The following CEP83 variants were observed in gnomAD, a reference collection of about 807,000 sequenced individuals.
The protein encoded by CEP83 is centrosomal protein of 83 kDa.
CEP83 carries 70 observed loss-of-function variants against 101.9 expected under a neutral mutation model. The observed-to-expected ratio is 0.69, with a 90% CI of 0.57 to 0.84. CEP83 has a LOEUF of 0.84. CEP83 is among the 40% of genes least tolerant of loss of function. The pLI is 0.00. For missense variants in CEP83, 715 were observed against 787.2 expected, an observed-to-expected ratio of 0.91 and a Z score of 1.10; for synonymous variants, 264 against 267.9, an observed-to-expected ratio of 0.99 and a Z score of 0.14.
At position 94,412,347 on chromosome 12, in the gene CEP83, A is replaced by G; in HGVS notation, c.144T>C (p.Asn48=). Residue 48 remains asparagine, a synonymous_variant, in exon 3 of 17, where the codon AAT becomes AAC. Coordinates refer to ENST00000397809, the MANE Select transcript of CEP83 (RefSeq NM_016122.3). ...TGTGTTCAGCCTTCAGTGTCTGATAATTAGCTTTATGATGCTCACATCGTA... is the reference window on the plus strand; with the variant it reads ...TGTGTTCAGCCTTCAGTGTCTGATAGTTAGCTTTATGATGCTCACATCGTA... ...ERLRCEHHKA[N]YQTLKAEHTR... 6.2e-7 allele frequency: 1 copy of G among 1,610,710 alleles called. No individual in the cohort carries two copies. The highest frequency in any genetic ancestry group is 8.5e-7 in the Non-Finnish European group (1 of 1,178,826).
chr12:94,266,808 A>G, the CEP83 span, among the ~76,000 whole-genome samples: 3,311 of 152,352 alleles, frequency 0.022, 144 homozygotes, highest in African/African-American at 0.075. Flanking sequence ...GAACATTGCC[A>G]GGCATGTGAG....
intron 1 of CEP83, among the ~76,000 whole-genome samples, chr12:94,445,523 C>A (rs1366417927): frequency 6.6e-6 from 1 of 152,158 alleles, no homozygotes; most frequent in African/African-American, 2.4e-5. Context: ...CACTACTCTT[C>A]AAAATCCACT....
At chr12:94,307,434 G>C (rs1969163255), downstream of CEP83, 1 of 152,188 alleles carries the variant, frequency 6.6e-6, no homozygotes. Flanking sequence ...ACAGCAACCA[G>C]AGCAACAAAT....
rs184509943 is a variant in CEP83, at chr12:94,440,120, T to C, written c.-154-4793A>G. On this transcript the variant is annotated intron_variant, in intron 1 of 16. Transcript: ENST00000397809. ...AGTTTAAAGCATTCCCCCTGAGAACTAGAACAAGACAAGGATGTCCACTTT... is the reference window on the plus strand; with the variant it reads ...AGTTTAAAGCATTCCCCCTGAGAACCAGAACAAGACAAGGATGTCCACTTT... Among the ~76,000 whole-genome samples the C allele has an allele frequency of 1.4e-3, 208 of 152,214 alleles. 1 individual carries two copies. Among genetic ancestry groups the C allele is most frequent in the African/African-American group, 4.8e-3 (201 of 41,540 alleles).
At chr12:94,411,152 T>C (rs1289181586) in intron 4 of CEP83, among the ~76,000 whole-genome samples, 1 of 152,168 alleles carries the variant, frequency 6.6e-6, no homozygotes, top group Admixed American at 6.5e-5. Flanking sequence ...CTTTGCTCAA[T>C]TTTCCAGACA....
At chr12:94,307,123 G>A (rs1969118461), downstream of CEP83, 1 of 152,192 alleles carries the variant, frequency 6.6e-6, no homozygotes, top group Non-Finnish European at 1.5e-5. Flanking sequence ...TGCTACATGA[G>A]GGTGTCCCTG....
the CEP83 span, among the ~76,000 whole-genome samples, chr12:94,286,616 CAAAAAAAAAAA>C: frequency 1.2e-4 from 12 of 101,404 alleles, no homozygotes; most frequent in South Asian, 3.7e-4. Context: ...TGCTTAAAAG[CAAAAAAAAAAA>C]AAAAAAAAAA....
chr12:94,312,702 G>A, intron 15 of CEP83: 3 of 985,348 alleles, frequency 3.0e-6, no homozygotes, highest in Non-Finnish European at 3.6e-6. Context: ...CCAATCATAA[G>A]GCAAACACCT....
chr12:94,297,483 C>CTTAA, the CEP83 span: 2 of 1,159,206 alleles, frequency 1.7e-6, no homozygotes, highest in South Asian at 2.6e-5. Flanking sequence ...ATATGTTTGA[C>CTTAA]TTAATTTCCA....
chr12:94,296,335 A>C, the CEP83 span, among the ~76,000 whole-genome samples: 1 of 151,964 alleles, frequency 6.6e-6, no homozygotes, highest in Admixed American at 6.6e-5. Context: ...TACTCTTTAA[A>C]ATTTTTTGTA....
At chr12:94,356,574 T>G (rs1204279200) in intron 11 of CEP83, among the ~76,000 whole-genome samples, 5 of 152,210 alleles carry the variant, frequency 3.3e-5, no homozygotes, top group African/African-American at 1.2e-4. Flanking sequence ...CAGTTCCCTG[T>G]TAGAATACAT....
intron 2 of CEP83, among the ~76,000 whole-genome samples, chr12:94,420,682 C>T (rs545748042): frequency 2.6e-5 from 4 of 151,822 alleles, no homozygotes; most frequent in South Asian, 2.1e-4. Context: ...CCAGGGAAGC[C>T]GAAAGACTGG....
chr12:94,435,598 C>A (rs1030823448), intron 1 of CEP83, among the ~76,000 whole-genome samples: 1 of 152,166 alleles, frequency 6.6e-6, no homozygotes, highest in Non-Finnish European at 1.5e-5. Flanking sequence ...ACTTATCCTG[C>A]CAATGCAGGG....
chr12:94,330,315 T>A (rs924459705), intron 14 of CEP83, among the ~76,000 whole-genome samples: 7 of 152,046 alleles, frequency 4.6e-5, no homozygotes, highest in Admixed American at 3.9e-4. Context: ...TCCCTCCTCT[T>A]CCTCTAATCC....
intron 13 of CEP83, among the ~76,000 whole-genome samples, chr12:94,332,368 A>AT (rs1301987385): frequency 6.6e-5 from 10 of 152,106 alleles, no homozygotes; most frequent in South Asian, 2.1e-4. Context: ...ACTTTATATG[A>AT]TTTTTTTAGT....
At chr12:94,346,636 A>T (rs2059945035) in intron 11 of CEP83, among the ~76,000 whole-genome samples, 1 of 152,176 alleles carries the variant, frequency 6.6e-6, no homozygotes, top group African/African-American at 2.4e-5. Context: ...ATCTTGTGGG[A>T]CCAAGCCTTC....
intron 8 of CEP83, among the ~76,000 whole-genome samples, chr12:94,373,312 C>T (rs950014549): frequency 2.0e-5 from 3 of 152,000 alleles, no homozygotes; most frequent in Non-Finnish European, 2.9e-5. Context: ...ATATTACTAA[C>T]AAAACTTTAA....
intron 4 of CEP83, among the ~76,000 whole-genome samples, chr12:94,408,998 C>CT (rs1213984323): frequency 6.6e-6 from 1 of 151,874 alleles, no homozygotes; most frequent in Non-Finnish European, 1.5e-5. Flanking sequence ...TCTCTTATAT[C>CT]TTTTTCCTAT....
chr12:94,266,720 T>C, the CEP83 span, among the ~76,000 whole-genome samples: 1 of 152,234 alleles, frequency 6.6e-6, no homozygotes, highest in Non-Finnish European at 1.5e-5. Context: ...ACATGTGAAA[T>C]GGAAATGATG....
Sources: gnomAD v4.1 joint callset for allele counts (sites outside exome capture counted in the v4.1 genomes callset) on GRCh38, gnomAD v4.1.1 for gene constraint, MANE v1.5 for transcripts, NCBI Gene and HGNC (gene_info 2026-07-23, HGNC 2026-07-21) for gene names.